Variants in ZSCAN18 observed in about 807,000 individuals in gnomAD.
The protein encoded by ZSCAN18 is zinc finger and SCAN domain-containing protein 18.
Under a neutral mutation model 31.1 loss-of-function variants are expected in ZSCAN18, and 16 were observed. The observed-to-expected ratio is 0.51, with a 90% CI of 0.35 to 0.78. The LOEUF is 0.78. Among genes scored for constraint, ZSCAN18 ranks in the 30% least tolerant of loss-of-function variants. The pLI is 0.01. For missense variants in ZSCAN18, 731 were observed against 697.4 expected, an observed-to-expected ratio of 1.05 and a Z score of -0.54; for synonymous variants, 375 against 320.7, an observed-to-expected ratio of 1.17 and a Z score of -1.81.
chr19:58,113,015 C>T lies in ZSCAN18; in HGVS notation c.130+5252G>A, dbSNP rs73579136. ...AGGATATTGAGAAACACAATTTTCA[C>T]ATAAACAAAAGGGTCAAGGGCCAGG... On this transcript the variant is annotated intron_variant, in intron 1 of 1. Transcript: ENST00000595721. 9.8e-3 allele frequency among the ~76,000 whole-genome samples: 1,376 copies of T among 139,738 alleles called. 26 individuals carry two copies. The highest frequency in any genetic ancestry group is 0.032 in the African/African-American group (1,239 of 38,164). 91.7% of individuals were successfully genotyped at this position (139,738 alleles called of 152,430 possible).
At chr19:58,096,084 G>A (rs988192321) in intron 1 of ZSCAN18, among the ~76,000 whole-genome samples, 9 of 152,236 alleles carry the variant, frequency 5.9e-5, no homozygotes, top group Non-Finnish European at 1.3e-4. Context: ...AGATCTCACC[G>A]GGGCAGGTGC....
intron 1 of ZSCAN18, 125 bp downstream of exon 1, chr19:58,098,049 C>G (rs1364963278): frequency 2.0e-6 from 2 of 985,556 alleles, no homozygotes; most frequent in Non-Finnish European, 2.4e-6. Flanking sequence ...ACAGCGGGGG[C>G]TCGCACCCCA....
intron 1 of ZSCAN18, among the ~76,000 whole-genome samples, chr19:58,103,551 A>C (rs184071497): frequency 5.3e-4 from 81 of 152,334 alleles, no homozygotes; most frequent in African/African-American, 1.7e-3. Context: ...CCACGCCTAT[A>C]TAAGACAATG....
At chr19:58,115,375 G>A (rs2547349) in intron 1 of ZSCAN18, among the ~76,000 whole-genome samples, 115,787 of 152,186 alleles carry the variant, frequency 0.76, 44,758 homozygotes, top group Non-Finnish European at 0.84. Context: ...TATCACTGCA[G>A]AATTAATGCA....
chr19:58,088,932 G>T, intron 2 of ZSCAN18, 95 bp from the exon 3 acceptor site: 1 of 1,223,590 alleles, frequency 8.2e-7, no homozygotes, highest in South Asian at 1.4e-5. Flanking sequence ...AGGCTCCAGG[G>T]CCACATCACT....
In ZSCAN18 at chr19:58,090,489, T is replaced by G. The variant is rs1256055036; in HGVS notation, c.-119-103A>C. The G allele has an allele frequency of 7.9e-6, 9 of 1,133,010 alleles. No individual in the cohort carries two copies. The highest frequency in any genetic ancestry group is 9.8e-6 in the Non-Finnish European group (8 of 816,698). The allele number at this position is 1,133,010 out of a possible 1,614,324, so 70.2% of individuals were successfully genotyped here. On this transcript the variant is annotated intron_variant, in intron 1 of 6. Coordinates refer to ENST00000601144, the MANE Select transcript of ZSCAN18 (RefSeq NM_001145543.2). The surrounding 1 kb of genome is among the most constrained non-coding windows in gnomAD (Gnocchi z 4.7). ...ACCACACCCAGAGTTCACACAGATT[T>G]CCAAGAAACCCGCTTGTTAGGCATC... is the stretch of plus-strand genomic sequence containing the variant.
intron 1 of ZSCAN18, among the ~76,000 whole-genome samples, chr19:58,107,211 A>T (rs1323912683): frequency 6.6e-6 from 1 of 152,168 alleles, no homozygotes; most frequent in Admixed American, 6.6e-5. Context: ...ACAAGCAGCC[A>T]TATTTTGAAA....
At chr19:58,106,963 G>C (rs892339003) in intron 1 of ZSCAN18, among the ~76,000 whole-genome samples, 2 of 151,498 alleles carry the variant, frequency 1.3e-5, no homozygotes, top group Non-Finnish European at 1.5e-5. Flanking sequence ...TGAGGTTTCA[G>C]CATGTTGGTC....
intron 5 of ZSCAN18, 152 bp from the exon 6 acceptor site, chr19:58,086,418 T>C: frequency 1.7e-6 from 1 of 599,962 alleles, no homozygotes; most frequent in South Asian, 2.3e-5. Context: ...GTTAGGCCCC[T>C]GGACAGTGGA....
upstream of ZSCAN18, among the ~76,000 whole-genome samples, chr19:58,102,760 T>C (rs1212175297): frequency 6.6e-6 from 1 of 152,226 alleles, no homozygotes; most frequent in Non-Finnish European, 1.5e-5. Context: ...AGTCATTCAA[T>C]TCCTCCTTCT....
upstream of ZSCAN18, among the ~76,000 whole-genome samples, chr19:58,102,184 C>T (rs73058594): frequency 0.14 from 20,681 of 152,052 alleles, 1,851 homozygotes; most frequent in East Asian, 0.32. Context: ...CTCAGCCGGG[C>T]GCAGTGGTTC....
upstream of ZSCAN18, among the ~76,000 whole-genome samples, chr19:58,101,905 G>A (rs74869636): frequency 0.013 from 1,997 of 151,924 alleles, 34 homozygotes; most frequent in African/African-American, 0.045. Context: ...GTGTGTTCAT[G>A]TAATTTCACA....
chr19:58,107,561 C>T (rs2074644428), intron 1 of ZSCAN18: 1 of 765,116 alleles, frequency 1.3e-6, no homozygotes, highest in Non-Finnish European at 1.6e-6. Flanking sequence ...AACTCTGTCT[C>T]AAAAATAAAA....
Position 58,098,128 on chromosome 19 carries a change from G to C in ZSCAN18, c.-120+46C>G, listed in dbSNP as rs576016243. On this transcript the variant is annotated intron_variant, in intron 1 of 6. Coordinates refer to ENST00000601144, the MANE Select transcript of ZSCAN18 (RefSeq NM_001145543.2). ...AGGCGTCCTCACCGTCTACCCTGTT[G>C]GGGTCGCTCTCTGACCCCCGCGCTG... The C allele has an allele frequency of 1.1e-4, 108 of 985,526 alleles. No homozygotes were observed. The South Asian group carries it at 4.6e-3, about 42-fold the overall frequency. The allele number at this position is 985,526 out of a possible 1,614,324, so 61.0% of individuals were successfully genotyped here. A position where few individuals can be genotyped will look rare whatever the true frequency, so the allele number is the denominator to read the frequency against.
At position 58,113,776 on chromosome 19, in the gene ZSCAN18, C is replaced by T. The variant is rs534756727; in HGVS notation, c.130+4491G>A. 4.3e-3 allele frequency among the ~76,000 whole-genome samples: 647 copies of T among 152,164 alleles called. 3 individuals carry two copies. The highest frequency in any genetic ancestry group is 5.6e-3 in the Non-Finnish European group (383 of 67,996). ...GGTGGATCACTTGAGGTCAGGAGTT[C>T]GAGACCAGCCTAGGGAACATGGTGA... On this transcript the variant is annotated intron_variant, in intron 1 of 1. Coordinates refer to the ZSCAN18 transcript ENST00000595721.
rs543486623 is a variant in ZSCAN18, at chr19:58,090,995, C to T, written c.-119-609G>A. Among the ~76,000 whole-genome samples the T allele has an allele frequency of 2.1e-4, 32 of 152,006 alleles. No individual in the cohort carries two copies. Among genetic ancestry groups the T allele is most frequent in the African/African-American group, 7.5e-4 (31 of 41,480 alleles). Reference sequence around the variant, plus strand: ...TGTAAAAACCTTGAAATAGGCCAGGCGCGGTGGCTCACGCCCATAATCCCA... The same window carrying T: ...TGTAAAAACCTTGAAATAGGCCAGGTGCGGTGGCTCACGCCCATAATCCCA... On this transcript the variant is annotated intron_variant, in intron 1 of 6. Coordinates refer to ENST00000601144, the MANE Select transcript of ZSCAN18 (RefSeq NM_001145543.2). This position sits in a 1 kb window ranked among gnomAD's most constrained non-coding sequence, Gnocchi z 4.7.
At position 58,085,125 on chromosome 19, in the gene ZSCAN18, C is replaced by G; in HGVS notation, c.1093G>C (p.Ala365Pro). ...IQQPAPDRGT[A>P]KLGTKRPHPE... ...TGCGGCCTCTTGGTTCCCAGTTTCG[C>G]CGTGCCCCTGTCCGGGGCAGGCTGC... The change falls in exon 7 of 7, where the codon GCG (alanine) becomes CCG (proline). Residue 365 changes from alanine to proline, a missense_variant. Coordinates refer to ENST00000601144, the MANE Select transcript of ZSCAN18 (RefSeq NM_001145543.2). 4 of 1,608,344 alleles carry G rather than the reference C, an allele frequency of 2.5e-6. No homozygotes were observed. The highest frequency in any genetic ancestry group is 3.4e-6 in the Non-Finnish European group (4 of 1,177,646).
Position 58,090,268 on chromosome 19 carries a change from C to T in ZSCAN18, c.-1G>A, listed in dbSNP as rs1305190719. 2 of 1,613,386 alleles carry T rather than the reference C, an allele frequency of 1.2e-6. No homozygotes were observed. Among genetic ancestry groups the T allele is most frequent in the African/African-American group, 1.3e-5 (1 of 74,936 alleles). ...CAAACGCCTTCTCCAAAGGCAACAT[C>T]TTTCCAAAACGGCACTGGAAAATGT... On this transcript the variant is annotated 5_prime_UTR_variant, in exon 2 of 7. Transcript: ENST00000601144. The surrounding 1 kb of genome is among the most constrained non-coding windows in gnomAD (Gnocchi z 4.7).
In ZSCAN18 at chr19:58,090,383, A is replaced by G. The variant is rs1389014779; in HGVS notation, c.-116T>C. 3.8e-6 allele frequency: 6 copies of G among 1,559,184 alleles called. No homozygotes were observed. In the African/African-American group the frequency reaches 6.8e-5, roughly 18 times the overall value. On this transcript the variant is annotated 5_prime_UTR_variant, in exon 2 of 7. Transcript: ENST00000601144. This position sits in a 1 kb window ranked among gnomAD's most constrained non-coding sequence, Gnocchi z 4.7. ...GGGCTCAGGTGGTGCCAGAACCCAC[A>G]GACCTGCAGAGGACACGGACAAGGC...
Sources: gnomAD v4.1 joint callset for allele counts (sites outside exome capture counted in the v4.1 genomes callset) on GRCh38, gnomAD v4.1.1 for gene constraint, Gnocchi (gnomAD v3.1) non-coding constraint, MANE v1.5 for transcripts, NCBI Gene and HGNC (gene_info 2026-07-23, HGNC 2026-07-21) for gene names.